DLGAP1: variants seen among roughly 807,000 people sequenced by gnomAD.
DLGAP1 encodes the protein disks large-associated protein 1.
DLGAP1 carries 11 observed loss-of-function variants against 90.8 expected under a neutral mutation model. The observed-to-expected ratio is 0.12, with a 90% CI of 0.08 to 0.20. The LOEUF (loss-of-function observed/expected upper bound fraction) is 0.20, where lower values mean the gene tolerates loss of function less well. Among genes scored for constraint, DLGAP1 ranks in the 10% least tolerant of loss-of-function variants. DLGAP1 has a pLI of 1.00. For synonymous variants in DLGAP1, 558 were observed against 540.7 expected, an observed-to-expected ratio of 1.03 and a Z score of -0.44; for missense variants, 1,050 against 1,333.8, an observed-to-expected ratio of 0.79 and a Z score of 3.31.
intron 4 of DLGAP1, among the ~76,000 whole-genome samples, chr18:3,837,954 A>T (rs2068498849): frequency 6.6e-6 from 1 of 150,804 alleles, no homozygotes; most frequent in Non-Finnish European, 1.5e-5. Flanking sequence ...GAAAAGAACC[A>T]TTTTTTAAAA....
At chr18:4,328,083 C>G (rs921596474) in intron 1 of DLGAP1, among the ~76,000 whole-genome samples, 1 of 149,666 alleles carries the variant, frequency 6.7e-6, no homozygotes, top group African/African-American at 2.5e-5. Context: ...TTTTCTTTTC[C>G]AAAAGGGCCC....
At chr18:3,543,205 T>C (rs55801637) in intron 9 of DLGAP1, among the ~76,000 whole-genome samples, 64,998 of 144,390 alleles carry the variant, frequency 0.45, 18,229 homozygotes, top group African/African-American at 0.8. Flanking sequence ...GAGTCTCGCT[T>C]TGTCACCCAG....
intron 3 of DLGAP1, among the ~76,000 whole-genome samples, chr18:3,923,351 C>T (rs2072311422): frequency 6.6e-6 from 1 of 151,748 alleles, no homozygotes; most frequent in Non-Finnish European, 1.5e-5. Context: ...ATAAATAAGA[C>T]TGAACAACTT....
intron 1 of DLGAP1, among the ~76,000 whole-genome samples, chr18:4,226,895 C>T (rs1320310151): frequency 6.6e-6 from 1 of 151,788 alleles, no homozygotes; most frequent in African/African-American, 2.4e-5. Context: ...ACTAAACTCT[C>T]CCATCAAAAG....
intron 1 of DLGAP1, among the ~76,000 whole-genome samples, chr18:4,271,851 A>T (rs1407799558): frequency 1.3e-5 from 2 of 152,198 alleles, no homozygotes; most frequent in Admixed American, 1.3e-4. Flanking sequence ...TTTTGAGAAG[A>T]CCTTAAAGCT....
intron 2 of DLGAP1, among the ~76,000 whole-genome samples, chr18:4,097,074 C>A (rs2075693812): frequency 6.6e-6 from 1 of 152,202 alleles, no homozygotes; most frequent in Non-Finnish European, 1.5e-5. Context: ...AATCTTTCTG[C>A]AGCACAGACC....
intron 10 of DLGAP1, among the ~76,000 whole-genome samples, chr18:3,527,090 A>C (rs766496178): frequency 1.3e-5 from 2 of 152,166 alleles, no homozygotes; most frequent in Non-Finnish European, 2.9e-5. Flanking sequence ...CCAGGCACCC[A>C]AAGAATGTAT....
intron 9 of DLGAP1, among the ~76,000 whole-genome samples, chr18:3,545,907 G>A (rs2052985360): frequency 6.6e-6 from 1 of 152,052 alleles, no homozygotes. Context: ...TTCATCAAAA[G>A]ACCATAATAT....
intron 10 of DLGAP1, among the ~76,000 whole-genome samples, chr18:3,525,748 G>A (rs1329255072): frequency 6.6e-6 from 1 of 152,188 alleles, no homozygotes; most frequent in East Asian, 1.9e-4. Flanking sequence ...GAAAATGATA[G>A]GAGGTCTTGC....
chr18:3,662,014 G>A (rs1322741841), intron 7 of DLGAP1, among the ~76,000 whole-genome samples: 1 of 152,042 alleles, frequency 6.6e-6, no homozygotes, highest in Non-Finnish European at 1.5e-5. Context: ...TAGTAATGTG[G>A]AAAATAGAAA....
chr18:4,449,336 TG>T, intron 1 of DLGAP1, among the ~76,000 whole-genome samples: 1 of 152,312 alleles, frequency 6.6e-6, no homozygotes. Flanking sequence ...GCAGAGTGCA[TG>T]TTGCCTAGTT....
At chr18:4,382,763 T>G (rs902565130) in intron 1 of DLGAP1, among the ~76,000 whole-genome samples, 3 of 152,210 alleles carry the variant, frequency 2.0e-5, no homozygotes, top group African/African-American at 7.2e-5. Context: ...TTATATTTCA[T>G]GCTATCTCAC....
chr18:3,904,354 A>C (rs1355938858), intron 3 of DLGAP1, among the ~76,000 whole-genome samples: 1 of 152,212 alleles, frequency 6.6e-6, no homozygotes. Context: ...GCACTAAGGA[A>C]GTCTGCAAAC....
chr18:3,996,545 T>C (rs1278538596), intron 3 of DLGAP1, among the ~76,000 whole-genome samples: 1 of 152,058 alleles, frequency 6.6e-6, no homozygotes, highest in Admixed American at 6.5e-5. Context: ...TACAGCACAT[T>C]TCAAATGTTT....
intron 1 of DLGAP1, among the ~76,000 whole-genome samples, chr18:4,288,785 G>T (rs542701514): frequency 6.6e-6 from 1 of 152,248 alleles, no homozygotes; most frequent in African/African-American, 2.4e-5. Context: ...CGACTAAGTG[G>T]AAAAATAAAT....
chr18:4,436,557 A>C (rs1343163220), intron 1 of DLGAP1, among the ~76,000 whole-genome samples: 1 of 151,938 alleles, frequency 6.6e-6, no homozygotes, highest in East Asian at 1.9e-4. Context: ...CATGCTTTAT[A>C]AACACATTCA....
chr18:3,923,033 C>T (rs1344174205), intron 3 of DLGAP1, among the ~76,000 whole-genome samples: 1 of 146,760 alleles, frequency 6.8e-6, no homozygotes, highest in Non-Finnish European at 1.5e-5. Context: ...ACTCGGGAGG[C>T]TGAAGTGAGA....
At position 4,181,584 on chromosome 18, in the gene DLGAP1, T is replaced by A. The variant is rs113581846; in HGVS notation, c.-266-30297A>T. 1.2e-3 allele frequency among the ~76,000 whole-genome samples: 186 copies of A among 152,306 alleles called. 1 individual carries two copies. The highest frequency in any genetic ancestry group is 4.3e-3 in the African/African-American group (177 of 41,580). The stretch of plus-strand genomic sequence containing the variant: ...CAAAACCGAAAGCTCCTGTGTCTGA[T>A]CTTTTAATAGACTTTCAAGGACACA... On this transcript the variant is annotated intron_variant, in intron 1 of 12. Coordinates refer to ENST00000315677, the MANE Select transcript of DLGAP1 (RefSeq NM_004746.4).
chr18:3,644,870 T>C (rs369483005), intron 7 of DLGAP1, among the ~76,000 whole-genome samples: 200 of 152,274 alleles, frequency 1.3e-3, no homozygotes, highest in African/African-American at 4.7e-3. Context: ...TATGGAAATA[T>C]GGAAATATTA....
Sources: gnomAD v4.1 joint callset for allele counts (sites outside exome capture counted in the v4.1 genomes callset) on GRCh38, gnomAD v4.1.1 for gene constraint, MANE v1.5 for transcripts, NCBI Gene and HGNC (gene_info 2026-07-23, HGNC 2026-07-21) for gene names.